ECT2L: variants seen among roughly 807,000 people sequenced by gnomAD.
The protein encoded by ECT2L is epithelial cell transforming 2 like.
A neutral mutation model predicts 122.8 loss-of-function variants in ECT2L; 126 were observed. That is an observed-to-expected ratio of 1.03 (90% CI 0.89 to 1.19). The LOEUF is 1.19. ECT2L is among the 50% of genes most tolerant of loss of function. The probability of loss-of-function intolerance (pLI) is 0.00; values close to 1 mark genes in which losing one functional copy is unlikely to be tolerated. For missense variants in ECT2L, 1,012 were observed against 1,064.1 expected (o/e 0.95, Z 0.68); for synonymous variants, 385 against 381.8 (o/e 1.01, Z -0.10).
intron 4 of ECT2L, among the ~76,000 whole-genome samples, chr6:138,818,612 C>G (rs149254723): frequency 8.2e-4 from 125 of 152,310 alleles, no homozygotes; most frequent in African/African-American, 2.9e-3. Context: ...GCGGACGTTA[C>G]TGAGAACCTT....
chr6:138,882,225 T>C (rs1409155844), intron 15 of ECT2L, among the ~76,000 whole-genome samples: 2 of 152,204 alleles, frequency 1.3e-5, no homozygotes, highest in African/African-American at 4.8e-5. Flanking sequence ...TGGAACAAGT[T>C]CTTTCCTGTC....
chr6:138,841,735 T>C (rs982868921), intron 5 of ECT2L, among the ~76,000 whole-genome samples: 2 of 152,242 alleles, frequency 1.3e-5, no homozygotes, highest in African/African-American at 4.8e-5. Flanking sequence ...TCTCTGGGTT[T>C]CCCTTCTTTC....
At chr6:138,864,315 G>A (rs1038970640) in intron 11 of ECT2L, among the ~76,000 whole-genome samples, 4 of 152,094 alleles carry the variant, frequency 2.6e-5, no homozygotes, top group African/African-American at 9.7e-5. Context: ...GAGCAAGACT[G>A]TCTCAAACAG....
At chr6:138,889,834 A>G (rs988091524) in intron 20 of ECT2L, among the ~76,000 whole-genome samples, 1 of 152,154 alleles carries the variant, frequency 6.6e-6, no homozygotes, top group Non-Finnish European at 1.5e-5. Context: ...TATCCCCTTT[A>G]CTCCTTTAGA....
At chr6:138,878,203 C>T (rs181529519) in intron 14 of ECT2L, among the ~76,000 whole-genome samples, 44 of 151,776 alleles carry the variant, frequency 2.9e-4, no homozygotes, top group Admixed American at 2.0e-3. Flanking sequence ...GAGGTATGTA[C>T]GAAAACGTTA....
At chr6:138,864,166 C>T (rs1047531327) in intron 11 of ECT2L, among the ~76,000 whole-genome samples, 4 of 151,710 alleles carry the variant, frequency 2.6e-5, no homozygotes, top group South Asian at 4.2e-4. Context: ...ACTAAAAATA[C>T]AAAAATAAGC....
chr6:138,799,628 T>G (rs932460747), intron 1 of ECT2L, among the ~76,000 whole-genome samples: 1 of 152,138 alleles, frequency 6.6e-6, no homozygotes, highest in Non-Finnish European at 1.5e-5. Flanking sequence ...TCTTGGACCT[T>G]GGTTCACTGT....
At chr6:138,815,806 G>A (rs1212158731) in intron 4 of ECT2L, among the ~76,000 whole-genome samples, 1 of 152,166 alleles carries the variant, frequency 6.6e-6, no homozygotes, top group Non-Finnish European at 1.5e-5. Flanking sequence ...TCTGAGAGTG[G>A]TGCATGATCA....
intron 4 of ECT2L, among the ~76,000 whole-genome samples, chr6:138,829,729 T>C (rs1345753174): frequency 2.1e-5 from 3 of 144,014 alleles, no homozygotes; most frequent in Non-Finnish European, 3.0e-5. Flanking sequence ...GGTTTTTTTT[T>C]CCTTTTTTTT....
intron 12 of ECT2L, among the ~76,000 whole-genome samples, chr6:138,866,501 T>C (rs1778044579): frequency 1.3e-5 from 2 of 152,002 alleles, no homozygotes; most frequent in African/African-American, 4.8e-5. Context: ...TCTGCCCATC[T>C]TGGCCTCCCA....
At chr6:138,813,106 T>C in intron 2 of ECT2L, 66 bp from the exon 3 acceptor site, 1 of 538,562 alleles carries the variant, frequency 1.9e-6, no homozygotes, top group East Asian at 2.9e-5. Context: ...TCTATCTATA[T>C]GTTATATGTG....
At chr6:138,832,738 G>C (rs1776689713) in intron 4 of ECT2L, among the ~76,000 whole-genome samples, 1 of 150,552 alleles carries the variant, frequency 6.6e-6, no homozygotes. Context: ...TAGTGTCCTT[G>C]TGTTTTTTTG....
At chr6:138,804,689 G>C (rs1308647890) in intron 1 of ECT2L, among the ~76,000 whole-genome samples, 1 of 152,086 alleles carries the variant, frequency 6.6e-6, no homozygotes, top group Admixed American at 6.6e-5. Context: ...TCACTCTACT[G>C]AGTCCCCTAA....
At chr6:138,802,034 G>T (rs752390494) in intron 1 of ECT2L, among the ~76,000 whole-genome samples, 1 of 152,194 alleles carries the variant, frequency 6.6e-6, no homozygotes, top group Non-Finnish European at 1.5e-5. Context: ...CCACACAAGG[G>T]CTCCGGCTTC....
chr6:138,888,640 C>T (rs1252566295), intron 19 of ECT2L, among the ~76,000 whole-genome samples: 2 of 152,096 alleles, frequency 1.3e-5, no homozygotes, highest in African/African-American at 4.8e-5. Context: ...TAGCTACCTT[C>T]TTATCCCCCA....
At chr6:138,896,708 C>T (rs566199206) in intron 20 of ECT2L, among the ~76,000 whole-genome samples, 14 of 152,170 alleles carry the variant, frequency 9.2e-5, no homozygotes, top group Middle Eastern at 3.4e-3. Flanking sequence ...AGTGCAATGG[C>T]GTGATCTCGG....
chr6:138,838,304 TA>T lies in ECT2L; in HGVS notation c.180-45del. On this transcript the variant is annotated intron_variant, in intron 4 of 21. Transcript: ENST00000541398. The stretch of plus-strand genomic sequence containing the variant: ...ACCAATATTTATGCTGACTTTTTAG[TA>T]AATTTTAGACATTAGTGTTCTAAAC... The T allele has an allele frequency of 2.7e-6, 4 of 1,484,340 alleles. No homozygotes were observed. In the South Asian group the frequency reaches 5.5e-5, roughly 20 times the overall value. The allele number at this position is 1,484,340 out of a possible 1,614,324, so 91.9% of individuals were successfully genotyped here.
At chr6:138,875,539 G>A (rs1778410608) in intron 13 of ECT2L, among the ~76,000 whole-genome samples, 1 of 152,226 alleles carries the variant, frequency 6.6e-6, no homozygotes, top group East Asian at 1.9e-4. Flanking sequence ...TGTTGCTAGG[G>A]TAGACCCTGG....
chr6:138,870,720 G>A (rs1778223275), intron 13 of ECT2L, among the ~76,000 whole-genome samples: 1 of 152,058 alleles, frequency 6.6e-6, no homozygotes, highest in South Asian at 2.1e-4. Context: ...GGTTTAAAGC[G>A]AGTTCTGGCT....
Sources: allele counts gnomAD v4.1 joint callset (sites outside exome capture counted in the v4.1 genomes callset), GRCh38; gene constraint gnomAD v4.1.1; transcripts MANE v1.5; gene names NCBI Gene and HGNC (gene_info 2026-07-23, HGNC 2026-07-21).